Variants in CYFIP2 observed in about 807,000 individuals in gnomAD.
The protein encoded by CYFIP2 is cytoplasmic FMR1-interacting protein 2.
In CYFIP2, 29 loss-of-function variants were observed where a neutral mutation model predicts 158.7. That is an observed-to-expected ratio of 0.18 (90% CI 0.14 to 0.25). The LOEUF (loss-of-function observed/expected upper bound fraction) is 0.25. Among genes scored for constraint, CYFIP2 ranks in the 10% least tolerant of loss-of-function variants. The pLI, the probability that CYFIP2 is intolerant of heterozygous loss-of-function variation, is 1.00. For missense variants in CYFIP2, 852 were observed against 1,639.5 expected, an observed-to-expected ratio of 0.52 and a Z score of 8.29; for synonymous variants, 585 against 617.6, an observed-to-expected ratio of 0.95 and a Z score of 0.78.
At chr5:157,272,917 A>T (rs775132451) in intron 1 of CYFIP2, among the ~76,000 whole-genome samples, 1 of 152,100 alleles carries the variant, frequency 6.6e-6, no homozygotes, top group African/African-American at 2.4e-5. Flanking sequence ...CCCAAGCTGG[A>T]GTGCAGTGGC....
intron 23 of CYFIP2, among the ~76,000 whole-genome samples, chr5:157,350,983 T>G (rs1763029168): frequency 6.6e-6 from 1 of 152,202 alleles, no homozygotes; most frequent in Non-Finnish European, 1.5e-5. Context: ...TATACAGTCA[T>G]ATCATCAGCA....
intron 12 of CYFIP2, 44 bp from the exon 13 acceptor site, chr5:157,314,925 G>A (rs145884929): frequency 1.4e-5 from 20 of 1,453,696 alleles, no homozygotes; most frequent in South Asian, 9.8e-5. Context: ...CTGTTTGTCC[G>A]TTCATCAGTT....
chr5:157,346,344 T>G (rs565030347), intron 23 of CYFIP2, among the ~76,000 whole-genome samples: 1 of 152,348 alleles, frequency 6.6e-6, no homozygotes, highest in Non-Finnish European at 1.5e-5. Flanking sequence ...GGATGTGACC[T>G]GATTTAGAAA....
At chr5:157,319,693 C>A in intron 13 of CYFIP2, 69 bp from the exon 14 acceptor site, 2 of 1,561,762 alleles carry the variant, frequency 1.3e-6, no homozygotes, top group South Asian at 1.2e-5. Context: ...CCTGGCAGGG[C>A]GGTGATGGGT....
At chr5:157,308,353 C>G (rs1351994499) in intron 9 of CYFIP2, among the ~76,000 whole-genome samples, 1 of 152,170 alleles carries the variant, frequency 6.6e-6, no homozygotes, top group Non-Finnish European at 1.5e-5. Context: ...TCAGCTTGCC[C>G]TTACCTCTGG....
At chr5:157,343,132 G>A (rs756943819) in intron 23 of CYFIP2, 2 of 1,614,194 alleles carry the variant, frequency 1.2e-6, no homozygotes, top group Non-Finnish European at 1.7e-6. Flanking sequence ...GGACACACCA[G>A]AACTGGAGGC....
intron 30 of CYFIP2, 24 bp from the exon 31 acceptor site, chr5:157,392,809 T>A (rs1191635971): frequency 1.9e-6 from 3 of 1,612,488 alleles, no homozygotes; most frequent in Non-Finnish European, 2.5e-6. Flanking sequence ...CTGCCCTAAC[T>A]TGAACATCCC....
chr5:157,393,074 T>C lies in CYFIP2; in HGVS notation c.*74T>C, dbSNP rs1202285574. Reference sequence around the variant, plus strand: ...AGAGAAAGCCACAGCCAGCCTGCCATAGGATCCAACTGGACAACGTGTGGG... The same window carrying C: ...AGAGAAAGCCACAGCCAGCCTGCCACAGGATCCAACTGGACAACGTGTGGG... On this transcript the variant is annotated 3_prime_UTR_variant, in exon 31 of 31. Coordinates refer to ENST00000620254, the MANE Select transcript of CYFIP2 (RefSeq NM_001037333.3). 12 of 1,558,886 alleles carry C rather than the reference T, an allele frequency of 7.7e-6. No individual in the cohort carries two copies. The highest frequency in any genetic ancestry group is 3.6e-5 in the South Asian group (3 of 82,538).
At chr5:157,392,091 G>T (rs1387222460) in intron 30 of CYFIP2, among the ~76,000 whole-genome samples, 1 of 151,966 alleles carries the variant, frequency 6.6e-6, no homozygotes, top group Non-Finnish European at 1.5e-5. Context: ...CAAGTCCTTT[G>T]TCCATTTTTT....
intron 22 of CYFIP2, among the ~76,000 whole-genome samples, chr5:157,340,572 T>A (rs7728407): frequency 0.46 from 70,680 of 152,134 alleles, 18,270 homozygotes; most frequent in African/African-American, 0.71. Flanking sequence ...ATGATTTGTA[T>A]TTGATAAAGT....
At chr5:157,324,500 G>A (rs1230567212) in intron 16 of CYFIP2, among the ~76,000 whole-genome samples, 2 of 152,238 alleles carry the variant, frequency 1.3e-5, no homozygotes, top group Non-Finnish European at 2.9e-5. Context: ...TTAGTAAGAT[G>A]TATGTCCAGA....
intron 26 of CYFIP2, chr5:157,364,193 GGGCGGGGT>G (rs1471311126): frequency 1.1e-4 from 13 of 119,584 alleles, no homozygotes; most frequent in South Asian, 2.7e-4. Flanking sequence ...AGTGGAGGTG[GGGCGGGGT>G]GGCGGGGGGG....
At chr5:157,305,688 A>C (rs1039369388) in intron 8 of CYFIP2, among the ~76,000 whole-genome samples, 2 of 152,028 alleles carry the variant, frequency 1.3e-5, no homozygotes, top group African/African-American at 4.8e-5. Flanking sequence ...TTTTTTAAAA[A>C]ATTTTTTGTA....
chr5:157,360,667 A>G (rs920377884), intron 25 of CYFIP2, among the ~76,000 whole-genome samples: 13 of 152,190 alleles, frequency 8.5e-5, no homozygotes, highest in Non-Finnish European at 1.9e-4. Flanking sequence ...TAGAAAAGGT[A>G]TTTATGAGCT....
intron 20 of CYFIP2, among the ~76,000 whole-genome samples, chr5:157,332,521 A>G (rs115160784): frequency 5.9e-5 from 9 of 152,330 alleles, no homozygotes; most frequent in Non-Finnish European, 1.2e-4. Context: ...GAATGATGAT[A>G]CTCAGGAAAT....
intron 1 of CYFIP2, chr5:157,269,264 G>T (rs995939364): frequency 2.0e-5 from 3 of 151,988 alleles, no homozygotes. Flanking sequence ...AGAGAGGTGG[G>T]TGGAACCTGA....
Position 157,344,084 on chromosome 5 carries a change from G to A in CYFIP2, c.2673+2927G>A, listed in dbSNP as rs140573436. ...TGTTGCCCATGGTGAGTGGAAATTC[G>A]CTTCGTCACTCTTTGGCAGCTGATC... is the stretch of plus-strand genomic sequence containing the variant. On this transcript the variant is annotated intron_variant, in intron 23 of 30. Transcript: ENST00000620254. Among the ~76,000 whole-genome samples, 762 of 152,106 alleles carry A rather than the reference G, an allele frequency of 5.0e-3. 4 individuals carry two copies. Among genetic ancestry groups the A allele is most frequent in the Non-Finnish European group, 8.0e-3 (544 of 67,982 alleles).
chr5:157,349,070 C>T (rs914573350), intron 23 of CYFIP2, among the ~76,000 whole-genome samples: 6 of 152,124 alleles, frequency 3.9e-5, no homozygotes, highest in East Asian at 1.9e-4. Flanking sequence ...CATTAGCCAC[C>T]GCACCTGGCC....
intron 29 of CYFIP2, 93 bp downstream of exon 29, chr5:157,389,520 AGGGGGT>A: frequency 1.7e-6 from 2 of 1,196,418 alleles, no homozygotes; most frequent in Non-Finnish European, 2.3e-6. Flanking sequence ...AAACGTGGGC[AGGGGGT>A]GGGGGTGGTT....
Sources: allele counts gnomAD v4.1 joint callset (sites outside exome capture counted in the v4.1 genomes callset), GRCh38; gene constraint gnomAD v4.1.1; transcripts MANE v1.5; gene names NCBI Gene and HGNC (gene_info 2026-07-23, HGNC 2026-07-21).